Variants in CTXN2 observed in about 807,000 individuals in gnomAD.
CTXN2 encodes the protein cortexin-2.
CTXN2 carries 3 observed loss-of-function variants against 5.7 expected under a neutral mutation model. The ratio of observed to expected loss-of-function variants is 0.53; its 90% CI spans 0.24 to 1.36. The LOEUF (loss-of-function observed/expected upper bound fraction) is 1.36, where lower values mean the gene tolerates loss of function less well. Ranked by LOEUF, CTXN2 falls within the 40% of genes most tolerant of loss-of-function variation. The pLI is 0.17. For synonymous variants in CTXN2, 38 were observed against 36.4 expected, an observed-to-expected ratio of 1.04 and a Z score of -0.16; for missense variants, 87 against 93.0, an observed-to-expected ratio of 0.94 and a Z score of 0.26.
At chr15:48,183,257 G>C (rs2040716005) in intron 1 of CTXN2, among the ~76,000 whole-genome samples, 1 of 152,102 alleles carries the variant, frequency 6.6e-6, no homozygotes, top group African/African-American at 2.4e-5. Flanking sequence ...ATCGTGCTTT[G>C]AAAAATAAAA....
chr15:48,185,135 T>C (rs1597379308), intron 1 of CTXN2, among the ~76,000 whole-genome samples: 1 of 151,760 alleles, frequency 6.6e-6, no homozygotes, highest in East Asian at 1.9e-4. Flanking sequence ...ATTCCAGGGG[T>C]TTGTGAGGGG....
chr15:48,180,906 C>T (rs1465547973), intron 1 of CTXN2, among the ~76,000 whole-genome samples: 1 of 152,226 alleles, frequency 6.6e-6, no homozygotes, highest in Non-Finnish European at 1.5e-5. Context: ...CCATGATTCA[C>T]ATTGCAAAAG....
chr15:48,198,011 T>C (rs1384333250), intron 1 of CTXN2, among the ~76,000 whole-genome samples: 1 of 152,104 alleles, frequency 6.6e-6, no homozygotes, highest in African/African-American at 2.4e-5. Context: ...TACAGTTGAA[T>C]ACAAAATTTA....
chr15:48,182,371 G>T (rs1215358080), intron 1 of CTXN2, among the ~76,000 whole-genome samples: 7 of 152,142 alleles, frequency 4.6e-5, no homozygotes, highest in African/African-American at 1.7e-4. Flanking sequence ...ATTGCCATTG[G>T]ATTTCTGTCT....
chr15:48,188,257 G>A (rs990050670), upstream of CTXN2, among the ~76,000 whole-genome samples: 1 of 151,910 alleles, frequency 6.6e-6, no homozygotes, highest in Non-Finnish European at 1.5e-5. Flanking sequence ...AAGGCTTAAG[G>A]TCTTATGTAG....
At chr15:48,195,778 A>G (rs1452297130) in intron 1 of CTXN2, among the ~76,000 whole-genome samples, 1 of 152,084 alleles carries the variant, frequency 6.6e-6, no homozygotes, top group East Asian at 1.9e-4. Flanking sequence ...TAGTATCAAC[A>G]CTATGTGGGT....
intron 1 of CTXN2, 78 bp downstream of exon 1, chr15:48,191,931 A>G (rs2040827625): frequency 4.7e-6 from 2 of 425,452 alleles, no homozygotes; most frequent in Admixed American, 4.9e-5. Flanking sequence ...ATGCAGGTCC[A>G]GATGAGAAGC....
upstream of CTXN2, among the ~76,000 whole-genome samples, chr15:48,187,612 C>T (rs1241925739): frequency 6.6e-6 from 1 of 152,128 alleles, no homozygotes; most frequent in Non-Finnish European, 1.5e-5. Context: ...TCAACTAGAG[C>T]CAAGATGGCA....
chr15:48,195,847 AC>A (rs1378170755), intron 1 of CTXN2, among the ~76,000 whole-genome samples: 10 of 152,138 alleles, frequency 6.6e-5, no homozygotes, highest in African/African-American at 2.4e-4. Context: ...GATTTTAAAT[AC>A]AAGTTGGCTT....
chr15:48,192,647 A>C (rs1436230998), intron 1 of CTXN2, among the ~76,000 whole-genome samples: 1 of 152,142 alleles, frequency 6.6e-6, no homozygotes, highest in Non-Finnish European at 1.5e-5. Flanking sequence ...TATTTCATGA[A>C]ATTATGAATG....
chr15:48,193,497 T>A (rs1006788248), intron 1 of CTXN2, among the ~76,000 whole-genome samples: 2 of 152,152 alleles, frequency 1.3e-5, no homozygotes, highest in Non-Finnish European at 2.9e-5. Flanking sequence ...ATGGATTTTT[T>A]AATATATGGT....
chr15:48,195,225 T>G (rs951564319), intron 1 of CTXN2, among the ~76,000 whole-genome samples: 3 of 152,122 alleles, frequency 2.0e-5, no homozygotes, highest in African/African-American at 7.2e-5. Flanking sequence ...AGAGTCATCT[T>G]TGATGCCTCT....
intron 1 of CTXN2, among the ~76,000 whole-genome samples, chr15:48,181,510 A>G (rs1383251928): frequency 6.6e-6 from 1 of 152,220 alleles, no homozygotes; most frequent in African/African-American, 2.4e-5. Flanking sequence ...CTTACTGCCC[A>G]GGGTTCTGTT....
At chr15:48,192,162 C>T (rs1311770902) in intron 1 of CTXN2, 1 of 212,338 alleles carries the variant, frequency 4.7e-6, no homozygotes. Context: ...CATGCTTCTT[C>T]GGTTTAGTGC....
chr15:48,193,488 T>A (rs541870817), intron 1 of CTXN2, among the ~76,000 whole-genome samples: 2 of 152,256 alleles, frequency 1.3e-5, no homozygotes, highest in African/African-American at 4.8e-5. Flanking sequence ...TATTTTTATA[T>A]GGATTTTTTA....
At chr15:48,186,780 T>C (rs1046004207), upstream of CTXN2, among the ~76,000 whole-genome samples, 3 of 151,686 alleles carry the variant, frequency 2.0e-5, no homozygotes, top group African/African-American at 7.3e-5. Context: ...CCTGATGGCA[T>C]GTGCTTGTAA....
At chr15:48,178,542 G>A in intron 1 of CTXN2, 1 of 329,712 alleles carries the variant, frequency 3.0e-6, no homozygotes, top group Admixed American at 5.1e-5. Flanking sequence ...GTGGTGCCAT[G>A]TCTGCCCACC....
chr15:48,185,730 A>G (rs555920433), intron 1 of CTXN2, among the ~76,000 whole-genome samples: 1 of 152,330 alleles, frequency 6.6e-6, no homozygotes, highest in African/African-American at 2.4e-5. Flanking sequence ...ATCAGGAAGA[A>G]TTGTGCAATA....
chr15:48,195,185 A>G (rs1238787853), intron 1 of CTXN2, among the ~76,000 whole-genome samples: 1 of 152,112 alleles, frequency 6.6e-6, no homozygotes, highest in East Asian at 1.9e-4. Context: ...TAAAAACACT[A>G]TATTTACACT....
Sources: gnomAD v4.1 joint callset for allele counts (sites outside exome capture counted in the v4.1 genomes callset) on GRCh38, gnomAD v4.1.1 for gene constraint, MANE v1.5 for transcripts, NCBI Gene and HGNC (gene_info 2026-07-23, HGNC 2026-07-21) for gene names.